NRXN1: variants seen among roughly 807,000 people sequenced by gnomAD.
The protein encoded by NRXN1 is neurexin-1.
NRXN1 carries 39 observed loss-of-function variants against 150.9 expected under a neutral mutation model. The ratio of observed to expected loss-of-function variants is 0.26; its 90% CI spans 0.20 to 0.34. The LOEUF is 0.34. Ranked by LOEUF, NRXN1 falls within the 10% of genes least tolerant of loss-of-function variation. The probability of loss-of-function intolerance (pLI) is 1.00; values close to 1 mark genes in which losing one functional copy is unlikely to be tolerated. For missense variants in NRXN1, 1,815 were observed against 1,949.9 expected (o/e 0.93, Z 1.30); for synonymous variants, 924 against 757.0 (o/e 1.22, Z -3.62).
At chr2:50,365,559 T>A (rs560343627) in intron 17 of NRXN1, among the ~76,000 whole-genome samples, 2 of 152,212 alleles carry the variant, frequency 1.3e-5, no homozygotes, top group African/African-American at 4.8e-5. Flanking sequence ...TCTTCATAGC[T>A]AAATAATAGG....
chr2:50,853,211 A>G (rs1674765134), intron 5 of NRXN1, among the ~76,000 whole-genome samples: 1 of 152,152 alleles, frequency 6.6e-6, no homozygotes, highest in Non-Finnish European at 1.5e-5. Context: ...TACACATTCT[A>G]TATGCTCACA....
At chr2:50,090,987 T>C (rs1197232567) in intron 19 of NRXN1, among the ~76,000 whole-genome samples, 1 of 152,218 alleles carries the variant, frequency 6.6e-6, no homozygotes, top group Admixed American at 6.5e-5. Context: ...TTAACTTTTT[T>C]ACTTTTGACA....
intron 2 of NRXN1, among the ~76,000 whole-genome samples, chr2:50,981,365 G>A (rs1236379511): frequency 6.8e-6 from 1 of 148,002 alleles, no homozygotes; most frequent in African/African-American, 2.5e-5. Flanking sequence ...GGCTGAGGCA[G>A]GAGAGTTACT....
chr2:50,373,470 GGAA>G (rs149287243), intron 17 of NRXN1, among the ~76,000 whole-genome samples: 5,627 of 150,076 alleles, frequency 0.037, 275 homozygotes, highest in East Asian at 0.12. Context: ...CTCACTTGCA[GGAA>G]GATATAAGAA....
intron 17 of NRXN1, among the ~76,000 whole-genome samples, chr2:50,399,111 T>G (rs76530522): frequency 0.015 from 2,258 of 152,286 alleles, 56 homozygotes; most frequent in African/African-American, 0.049. Context: ...TCTGTTTTTA[T>G]GTTTTTCACT....
At chr2:49,991,027 A>T (rs1251765866) in intron 21 of NRXN1, among the ~76,000 whole-genome samples, 1 of 152,180 alleles carries the variant, frequency 6.6e-6, no homozygotes, top group Admixed American at 6.5e-5. Context: ...ATAATTTACT[A>T]AACATGCTTA....
At chr2:50,511,248 T>C (rs938008025) in intron 12 of NRXN1, among the ~76,000 whole-genome samples, 18 of 152,048 alleles carry the variant, frequency 1.2e-4, no homozygotes, top group South Asian at 4.1e-4. Context: ...TTAATAGACA[T>C]GGAGTTTCAC....
At chr2:50,742,607 CAAAAAAA>C (rs376431319) in intron 5 of NRXN1, among the ~76,000 whole-genome samples, 1 of 69,866 alleles carries the variant, frequency 1.4e-5, no homozygotes, top group African/African-American at 6.0e-5. Context: ...GACTCCGTCT[CAAAAAAA>C]AAAAAAAAAG....
intron 2 of NRXN1, among the ~76,000 whole-genome samples, chr2:51,013,555 G>T (rs1668221050): frequency 1.3e-5 from 2 of 151,530 alleles, no homozygotes; most frequent in South Asian, 4.2e-4. Context: ...ACGTTAAAAG[G>T]CTTTCAGAAA....
chr2:50,393,197 A>T (rs535973142), intron 17 of NRXN1, among the ~76,000 whole-genome samples: 1 of 152,010 alleles, frequency 6.6e-6, no homozygotes, highest in Non-Finnish European at 1.5e-5. Flanking sequence ...ACATATGTAT[A>T]CTGGATGTTT....
chr2:50,201,745 G>C (rs1316031389), intron 18 of NRXN1, among the ~76,000 whole-genome samples: 2 of 152,154 alleles, frequency 1.3e-5, no homozygotes, highest in African/African-American at 2.4e-5. Flanking sequence ...ACTTAACTAA[G>C]CAGTTCAAGC....
At chr2:50,918,074 T>G (rs1685470360) in intron 5 of NRXN1, 1 of 151,656 alleles carries the variant, frequency 6.6e-6, no homozygotes, top group Non-Finnish European at 1.5e-5. Flanking sequence ...ACAATTAGTT[T>G]TGAGAAAAAT....
rs111371785 is a variant in NRXN1, at chr2:50,207,904, G to C, written c.3546+28885C>G. Among the ~76,000 whole-genome samples the C allele has an allele frequency of 1.1e-4, 17 of 152,198 alleles. 1 individual carries two copies. Among genetic ancestry groups the C allele is most frequent in the African/African-American group, 4.1e-4 (17 of 41,556 alleles). The stretch of plus-strand genomic sequence containing the variant: ...TTTGTTGTTTCCATGTAGAGTAGGA[G>C]GGACACAAGCCTAGGTTGGTATATG... On this transcript the variant is annotated intron_variant, in intron 18 of 22. Transcript: ENST00000401669.
intron 4 of NRXN1, 88 bp from the exon 5 acceptor site, chr2:50,921,968 C>T: frequency 1.5e-6 from 1 of 674,270 alleles, no homozygotes; most frequent in East Asian, 3.0e-5. Context: ...GTATTATGAA[C>T]ATATGTAAAG....
At chr2:50,258,829 AATCCCCATGTAT>A (rs2152907833) in intron 17 of NRXN1, among the ~76,000 whole-genome samples, 1 of 152,156 alleles carries the variant, frequency 6.6e-6, no homozygotes, top group East Asian at 1.9e-4. Context: ...AAATTATATT[AATCCCCATGTAT>A]ATCTCCATCA....
chr2:49,974,197 C>A (rs1451954948), intron 21 of NRXN1: 1 of 703,840 alleles, frequency 1.4e-6, no homozygotes, highest in Non-Finnish European at 2.7e-6. Context: ...AGAAAAGACA[C>A]AGAAAACGCT....
intron 1 of NRXN1, among the ~76,000 whole-genome samples, chr2:51,030,331 A>G (rs905094289): frequency 2.6e-5 from 4 of 151,818 alleles, no homozygotes; most frequent in African/African-American, 4.8e-5. Flanking sequence ...TCACTACCCA[A>G]TTAACACTTT....
intron 21 of NRXN1, among the ~76,000 whole-genome samples, chr2:50,029,801 C>T (rs17039676): frequency 0.22 from 32,792 of 152,064 alleles, 5,155 homozygotes; most frequent in African/African-American, 0.44. Flanking sequence ...CACCACTTGT[C>T]AACTATTTGA....
At position 51,028,764 on chromosome 2, in the gene NRXN1, G is replaced by A. The variant is rs1671030239; in HGVS notation, c.-491C>T. On this transcript the variant is annotated 5_prime_UTR_variant, in exon 2 of 23. Coordinates refer to ENST00000401669, the MANE Select transcript of NRXN1 (RefSeq NM_001330078.2). ...CACTTTTCTCAAGAAAGTACAGGAAGCCAGCAGTGAGCCAGTATCCTTGGA... is the reference window on the plus strand; with the variant it reads ...CACTTTTCTCAAGAAAGTACAGGAAACCAGCAGTGAGCCAGTATCCTTGGA... 1 of 153,200 alleles carries A rather than the reference G, an allele frequency of 6.5e-6. No individual in the cohort carries two copies. The highest frequency in any genetic ancestry group is 2.4e-5 in the African/African-American group (1 of 41,474). The allele number at this position is 153,200 out of a possible 1,614,324, so 9.5% of individuals were successfully genotyped here.
Sources: allele counts gnomAD v4.1 joint callset (sites outside exome capture counted in the v4.1 genomes callset), GRCh38; gene constraint gnomAD v4.1.1; transcripts MANE v1.5; gene names NCBI Gene and HGNC (gene_info 2026-07-23, HGNC 2026-07-21).